Variants in LRP1B observed in about 807,000 individuals in gnomAD.
LRP1B encodes the protein low-density lipoprotein receptor-related protein 1B.
A neutral mutation model predicts 556.6 loss-of-function variants in LRP1B; 217 were observed. The observed-to-expected ratio is 0.39, with a 90% CI of 0.35 to 0.44. The LOEUF (loss-of-function observed/expected upper bound fraction) is 0.44. LRP1B is among the 20% of genes least tolerant of loss of function. The pLI, the probability that LRP1B is intolerant of heterozygous loss-of-function variation, is 1.00. For synonymous variants in LRP1B, 2,047 were observed against 1,865.8 expected (o/e 1.10, Z -2.50); for missense variants, 5,053 against 5,620.8 (o/e 0.90, Z 3.23).
intron 67 of LRP1B, among the ~76,000 whole-genome samples, chr2:140,382,537 T>G (rs527586570): frequency 6.6e-6 from 1 of 152,210 alleles, no homozygotes; most frequent in East Asian, 1.9e-4. Context: ...GAAATAATTG[T>G]TGAAGCAAAG....
intron 1 of LRP1B, among the ~76,000 whole-genome samples, chr2:142,100,197 G>A (rs1706522909): frequency 2.0e-5 from 3 of 151,962 alleles, no homozygotes; most frequent in Admixed American, 2.0e-4. Flanking sequence ...AACCTGGAAG[G>A]AAGTGTAGGG....
intron 17 of LRP1B, among the ~76,000 whole-genome samples, chr2:140,983,538 C>T (rs1031684177): frequency 2.1e-4 from 32 of 152,022 alleles, no homozygotes; most frequent in African/African-American, 6.3e-4. Context: ...TGAATTAGGG[C>T]TTCAGAAATC....
intron 2 of LRP1B, among the ~76,000 whole-genome samples, chr2:141,508,713 C>A (rs1305400758): frequency 1.3e-5 from 2 of 151,876 alleles, no homozygotes; most frequent in Non-Finnish European, 2.9e-5. Flanking sequence ...TAGGAAGAGG[C>A]AAGTGTTTTC....
Position 140,700,316 on chromosome 2 carries a change from C to T in LRP1B, c.6733G>A (p.Asp2245Asn), listed in dbSNP as rs1559063007. Residue 2245 changes from aspartate to asparagine, a missense_variant, in exon 41 of 91, where the codon GAT (aspartate) becomes AAT (asparagine). Asp to Asn is a conservative substitution (Grantham distance 23, BLOSUM62 1). This residue lies in a region of LRP1B where 3,619 missense variants were observed against 3,931.9 expected (regional missense o/e 0.92). Coordinates refer to ENST00000389484, the MANE Select transcript of LRP1B (RefSeq NM_018557.3). ...RKGTNRIFYS[D>N]AHFGNIQLIK... ...AGCTGTATATTTCCAAAGTGTGCAT[C>T]ACTGTAAAAGATTCGGTTGGTACCT... 6.2e-7 allele frequency: 1 copy of T among 1,612,596 alleles called. No individual in the cohort carries two copies. The highest frequency in any genetic ancestry group is 8.5e-7 in the Non-Finnish European group (1 of 1,179,090).
At chr2:140,557,742 C>A (rs890634984) in intron 43 of LRP1B, among the ~76,000 whole-genome samples, 5 of 152,172 alleles carry the variant, frequency 3.3e-5, no homozygotes, top group African/African-American at 9.6e-5. Flanking sequence ...ATCTGGCTCA[C>A]CCCTTCAGGA....
chr2:140,367,260 C>A (rs2105157900), intron 71 of LRP1B, among the ~76,000 whole-genome samples: 1 of 151,806 alleles, frequency 6.6e-6, no homozygotes, highest in East Asian at 1.9e-4. Flanking sequence ...ATTAGGAAAA[C>A]AAGGGCAAAC....
intron 2 of LRP1B, among the ~76,000 whole-genome samples, chr2:141,523,624 C>T (rs1159159901): frequency 6.6e-6 from 1 of 152,086 alleles, no homozygotes; most frequent in African/African-American, 2.4e-5. Context: ...CAAATAATTT[C>T]AAAATTCCCC....
chr2:140,763,629 C>T (rs1197049917), intron 35 of LRP1B, among the ~76,000 whole-genome samples: 5 of 152,016 alleles, frequency 3.3e-5, no homozygotes, highest in Non-Finnish European at 7.4e-5. Context: ...TTTCAGGTAA[C>T]ATACTGATAA....
In LRP1B at chr2:141,012,835, T is replaced by C. The variant is rs1451579280; in HGVS notation, c.2380+721A>G. On this transcript the variant is annotated intron_variant, in intron 14 of 90. Transcript: ENST00000389484. ...TTCATCTTAAATGTATTGAACTACA[T>C]ACTCATTAAATTTTTACAATGATAT... Among the ~76,000 whole-genome samples the C allele has an allele frequency of 2.8e-4, 42 of 151,874 alleles. 2 individuals are homozygous for C. Among genetic ancestry groups the C allele is most frequent in the Admixed American group, 2.8e-3 (42 of 15,220 alleles).
At chr2:140,602,972 C>G (rs1682731350) in intron 41 of LRP1B, among the ~76,000 whole-genome samples, 1 of 151,938 alleles carries the variant, frequency 6.6e-6, no homozygotes, top group African/African-American at 2.4e-5. Flanking sequence ...TTTTTACCGC[C>G]TGGCTCCCCC....
intron 41 of LRP1B, among the ~76,000 whole-genome samples, chr2:140,605,247 A>C (rs901123166): frequency 6.6e-6 from 1 of 152,100 alleles, no homozygotes; most frequent in Non-Finnish European, 1.5e-5. Context: ...GGAGGATCTG[A>C]GTTATTTTGA....
intron 1 of LRP1B, among the ~76,000 whole-genome samples, chr2:141,931,343 C>T (rs1700498735): frequency 6.6e-6 from 1 of 151,800 alleles, no homozygotes; most frequent in African/African-American, 2.4e-5. Flanking sequence ...TACATGACTG[C>T]AAGAGTTTGG....
chr2:141,396,416 G>T (rs1690238652), intron 3 of LRP1B, among the ~76,000 whole-genome samples: 1 of 151,962 alleles, frequency 6.6e-6, no homozygotes, highest in Non-Finnish European at 1.5e-5. Flanking sequence ...ATTGTTAATG[G>T]GACTACCAAA....
chr2:142,065,218 C>A (rs1427704329), intron 1 of LRP1B, among the ~76,000 whole-genome samples: 1 of 151,448 alleles, frequency 6.6e-6, no homozygotes, highest in Non-Finnish European at 1.5e-5. Context: ...ACTTAAAACA[C>A]AAAATTATTA....
At chr2:141,336,503 G>A (rs1186494761) in intron 3 of LRP1B, among the ~76,000 whole-genome samples, 3 of 151,946 alleles carry the variant, frequency 2.0e-5, no homozygotes, top group African/African-American at 7.2e-5. Context: ...AATCTAAAAA[G>A]CATATTTGTT....
At chr2:141,335,279 T>C (rs1687806751) in intron 3 of LRP1B, among the ~76,000 whole-genome samples, 1 of 152,150 alleles carries the variant, frequency 6.6e-6, no homozygotes, top group Non-Finnish European at 1.5e-5. Flanking sequence ...GATGGAACAA[T>C]ACTGTTACAT....
At chr2:141,737,308 C>T (rs1050102455) in intron 2 of LRP1B, among the ~76,000 whole-genome samples, 9 of 152,108 alleles carry the variant, frequency 5.9e-5, no homozygotes, top group Admixed American at 2.0e-4. Context: ...GCCAAGATCA[C>T]GCCACTGCAC....
At chr2:141,824,027 A>G (rs1696843839) in intron 1 of LRP1B, among the ~76,000 whole-genome samples, 1 of 152,178 alleles carries the variant, frequency 6.6e-6, no homozygotes, top group Admixed American at 6.5e-5. Context: ...TTAGTTTAGA[A>G]ATAAGGTTAA....
intron 25 of LRP1B, among the ~76,000 whole-genome samples, chr2:140,882,063 T>G (rs181275715): frequency 1.3e-5 from 2 of 152,302 alleles, no homozygotes; most frequent in Non-Finnish European, 2.9e-5. Context: ...ATTTATAATT[T>G]TGGAATTATT....
Sources: allele counts gnomAD v4.1 joint callset (sites outside exome capture counted in the v4.1 genomes callset), GRCh38; gene constraint gnomAD v4.1.1; regional missense constraint gnomAD v4.1.1; transcripts MANE v1.5; gene names NCBI Gene and HGNC (gene_info 2026-07-23, HGNC 2026-07-21).